The following RFT1 variants were observed in gnomAD, a reference collection of about 807,000 sequenced individuals.
The protein encoded by RFT1 is RFT1 glycolipid translocator homolog, also known as man(5)GlcNAc(2)-PP-dolichol translocation protein RFT1.
A neutral mutation model predicts 62.2 loss-of-function variants in RFT1; 43 were observed. That is an observed-to-expected ratio of 0.69 (90% CI 0.54 to 0.89). The LOEUF (loss-of-function observed/expected upper bound fraction) is 0.89, where lower values mean the gene tolerates loss of function less well. Among genes scored for constraint, RFT1 ranks in the 40% least tolerant of loss-of-function variants. RFT1 has a pLI of 0.00. For synonymous variants in RFT1, 262 were observed against 264.6 expected (o/e 0.99, Z 0.10); for missense variants, 605 against 649.9 (o/e 0.93, Z 0.75).
At chr3:53,067,993 C>T in the RFT1 span, among the ~76,000 whole-genome samples, 3 of 152,300 alleles carry the variant, frequency 2.0e-5, no homozygotes, top group Admixed American at 6.5e-5. Flanking sequence ...CAAGTCATGC[C>T]CTCAAGTGGG....
the RFT1 span, among the ~76,000 whole-genome samples, chr3:53,076,602 G>A: frequency 6.6e-6 from 1 of 152,126 alleles, no homozygotes; most frequent in South Asian, 2.1e-4. Context: ...AGGATGGGGA[G>A]GAAATGTATG....
intron 5 of RFT1, 49 bp downstream of exon 5, chr3:53,121,650 A>G: frequency 7.0e-7 from 1 of 1,428,288 alleles, no homozygotes; most frequent in Non-Finnish European, 9.8e-7. Context: ...AAGAAAAACC[A>G]GTTGGAGAAA....
At chr3:53,070,393 G>GGTTTTTTTTTTTTTTTTTTTTTTTTT in the RFT1 span, among the ~76,000 whole-genome samples, 2 of 85,448 alleles carry the variant, frequency 2.3e-5, 1 homozygote. Context: ...CTGTATTATG[G>GGTTTTTTTTTTTTTTTTTTTTTTTTT]TTTTTTTTTT....
rs1701397047 is a variant in RFT1, at chr3:53,104,108, G to A, written c.958-11C>T. ...CACAGCAACGTCCTCCTGGGGCCAG[G>A]GAAGAGGGAAGGAAGTTGGATGAAT... On this transcript the variant is annotated splice_polypyrimidine_tract_variant and intron_variant, in intron 9 of 12. Coordinates refer to ENST00000296292, the MANE Select transcript of RFT1 (RefSeq NM_052859.4). The A allele has an allele frequency of 2.5e-6, 4 of 1,614,088 alleles. No homozygotes were observed. The East Asian group carries it at 6.7e-5, about 27-fold the overall frequency.
At chr3:53,117,332 T>C (rs916407403) in intron 6 of RFT1, among the ~76,000 whole-genome samples, 3 of 152,200 alleles carry the variant, frequency 2.0e-5, no homozygotes, top group Non-Finnish European at 4.4e-5. Flanking sequence ...ACAGGTCACG[T>C]AGGCCAACAA....
intron 3 of RFT1, among the ~76,000 whole-genome samples, 184 bp from the exon 4 acceptor site, chr3:53,122,747 CCT>C (rs1485149407): frequency 5.3e-5 from 8 of 152,136 alleles, no homozygotes; most frequent in African/African-American, 1.7e-4. Flanking sequence ...TCACAATGAT[CCT>C]CTGTCATTAT....
chr3:53,077,080 G>T, the RFT1 span, among the ~76,000 whole-genome samples: 1 of 152,182 alleles, frequency 6.6e-6, no homozygotes, highest in Non-Finnish European at 1.5e-5. Flanking sequence ...AGGGGAATTA[G>T]TATTTCCAGC....
At chr3:53,126,323 T>C (rs1702109774) in intron 1 of RFT1, among the ~76,000 whole-genome samples, 1 of 152,212 alleles carries the variant, frequency 6.6e-6, no homozygotes, top group Admixed American at 6.5e-5. Flanking sequence ...AAGAGAATTC[T>C]AGTTAGTGGT....
intron 11 of RFT1, among the ~76,000 whole-genome samples, chr3:53,095,261 T>TA (rs1024781053): frequency 6.3e-4 from 92 of 146,388 alleles, no homozygotes; most frequent in South Asian, 2.8e-3. Context: ...GACTCCGTCT[T>TA]AAAAAAAAAA....
In RFT1 at chr3:53,130,379, C is replaced by G. The variant is rs993455093; in HGVS notation, c.22G>C (p.Gly8Arg). 6.4e-7 allele frequency: 1 copy of G among 1,560,722 alleles called. No homozygotes were observed. ...GAGGAGGCCAGCCGGGCCGCGTGGC[C>G]CAGCACCTCCTGGCTGCCCATAGCC... MGSQEVL[G>R]HAARLASSGL... The change falls in exon 1 of 13, where the codon GGC (glycine) becomes CGC (arginine). Residue 8 changes from glycine to arginine, a missense_variant. Gly to Arg is a moderately radical substitution (Grantham distance 125). Coordinates refer to ENST00000296292, the MANE Select transcript of RFT1 (RefSeq NM_052859.4).
chr3:53,079,205 C>T, the RFT1 span, among the ~76,000 whole-genome samples: 1 of 152,184 alleles, frequency 6.6e-6, no homozygotes, highest in Admixed American at 6.5e-5. Flanking sequence ...GCTGTCGGAT[C>T]AGAACCAGGT....
chr3:53,126,042 G>C, intron 1 of RFT1, 48 bp from the exon 2 acceptor site: 1 of 1,431,174 alleles, frequency 7.0e-7, no homozygotes, highest in African/African-American at 1.4e-5. Context: ...CGTTAGAAGT[G>C]TTTACTTAGC....
At chr3:53,112,160 C>G (rs1701670178) in intron 6 of RFT1, among the ~76,000 whole-genome samples, 1 of 152,240 alleles carries the variant, frequency 6.6e-6, no homozygotes, top group Non-Finnish European at 1.5e-5. Context: ...TAAAGAATTG[C>G]TGCTGTCCCT....
At chr3:53,120,835 G>C (rs1701948590) in intron 5 of RFT1, among the ~76,000 whole-genome samples, 2 of 152,140 alleles carry the variant, frequency 1.3e-5, no homozygotes, top group South Asian at 4.1e-4. Flanking sequence ...ACTTTAGTAG[G>C]TGTGGGCCCC....
chr3:53,122,766 TA>T (rs1218592568), intron 3 of RFT1, among the ~76,000 whole-genome samples: 1 of 152,012 alleles, frequency 6.6e-6, no homozygotes, highest in Non-Finnish European at 1.5e-5. Flanking sequence ...TTATCTCCAT[TA>T]AAAAAATGAA....
rs1404576905 is a variant in RFT1, at chr3:53,091,672, T to C, written c.*231A>G. 4 of 569,140 alleles carry C rather than the reference T, an allele frequency of 7.0e-6. No homozygotes were observed. Among genetic ancestry groups the C allele is most frequent in the Admixed American group, 3.0e-5 (1 of 33,110 alleles). The allele number at this position is 569,140 out of a possible 1,614,324, so 35.3% of individuals were successfully genotyped here. ...ATTACTATAAAATGATAAAAAACTA[T>C]TATTTTTAAAGGGCTTTTGGTCTTC... is the stretch of plus-strand genomic sequence containing the variant. On this transcript the variant is annotated 3_prime_UTR_variant, in exon 13 of 13. Transcript: ENST00000296292.
downstream of RFT1, among the ~76,000 whole-genome samples, chr3:53,086,547 C>G (rs1214260813): frequency 6.6e-6 from 1 of 152,150 alleles, no homozygotes; most frequent in Non-Finnish European, 1.5e-5. Flanking sequence ...AACTCCTGAC[C>G]TCAGGCGATC....
Position 53,123,777 on chromosome 3 carries a change from G to A in RFT1, c.213C>T (p.Leu71=). The A allele has an allele frequency of 1.2e-6, 2 of 1,614,244 alleles. No individual in the cohort carries two copies. ...TCCAGTCTCGCTGGGTGCCCCCACT[G>A]AGACATGCTCTGCGGAAGGCCTCTC... ...LAREAFRRAC[L]SGGTQRDWSQ... Residue 71 remains leucine (L), a synonymous_variant, in exon 3 of 13, where the codon CTC becomes CTT. Transcript: ENST00000296292.
chr3:53,107,205 G>A (rs529929819), intron 7 of RFT1, among the ~76,000 whole-genome samples: 34 of 147,876 alleles, frequency 2.3e-4, no homozygotes, highest in Admixed American at 8.9e-4. Flanking sequence ...GCACGATTTC[G>A]GCTCCCTGCA....
Sources: gnomAD v4.1 joint callset for allele counts (sites outside exome capture counted in the v4.1 genomes callset) on GRCh38, gnomAD v4.1.1 for gene constraint, MANE v1.5 for transcripts, NCBI Gene and HGNC (gene_info 2026-07-23, HGNC 2026-07-21) for gene names.